RANBP2: variants seen among roughly 807,000 people sequenced by gnomAD.
The protein encoded by RANBP2 is RAN binding protein 2.
In RANBP2, 57 loss-of-function variants were observed where a neutral mutation model predicts 303.6. That is an observed-to-expected ratio of 0.19 (90% confidence interval 0.15 to 0.23). The LOEUF (loss-of-function observed/expected upper bound fraction) is 0.23. RANBP2 is among the 10% of genes least tolerant of loss of function. RANBP2 has a pLI of 1.00. For missense variants in RANBP2, 3,138 were observed against 3,780.8 expected (o/e 0.83, Z 4.46); for synonymous variants, 1,167 against 1,301.5 (o/e 0.90, Z 2.23).
At chr2:109,609,590 T>C in the RANBP2 span, among the ~76,000 whole-genome samples, 2 of 134,008 alleles carry the variant, frequency 1.5e-5, no homozygotes, top group Non-Finnish European at 3.1e-5. Context: ...CACTCTAGCC[T>C]GGGTGACAGA....
chr2:108,788,816 TGTG>T (rs1238241118), downstream of RANBP2: 3 of 1,613,310 alleles, frequency 1.9e-6, no homozygotes, highest in South Asian at 3.3e-5. Flanking sequence ...GATATATTGT[TGTG>T]GTAATCTTTC....
At chr2:109,724,524 G>C in the RANBP2 span, among the ~76,000 whole-genome samples, 1 of 152,136 alleles carries the variant, frequency 6.6e-6, no homozygotes, top group Non-Finnish European at 1.5e-5. Context: ...ATGGAAGGGG[G>C]ACAGGTAGGT....
chr2:109,730,612 T>C, the RANBP2 span, among the ~76,000 whole-genome samples: 2 of 152,120 alleles, frequency 1.3e-5, no homozygotes, highest in Non-Finnish European at 2.9e-5. Flanking sequence ...GGGTGACTCA[T>C]AAATAACATA....
chr2:109,733,180 GAAAAAA>G, the RANBP2 span: 2 of 290,494 alleles, frequency 6.9e-6, no homozygotes, highest in Admixed American at 3.7e-5. Context: ...TAGGTCAAAT[GAAAAAA>G]AAAAAAAAAA....
At chr2:109,513,370 T>G in the RANBP2 span, among the ~76,000 whole-genome samples, 2 of 150,926 alleles carry the variant, frequency 1.3e-5, no homozygotes, top group African/African-American at 4.9e-5. Flanking sequence ...ACCTCCCGTA[T>G]GCACACACTT....
the RANBP2 span, among the ~76,000 whole-genome samples, chr2:109,767,558 A>AAG: frequency 6.8e-6 from 1 of 147,286 alleles, no homozygotes; most frequent in Non-Finnish European, 1.5e-5. Flanking sequence ...ATATCAGAGT[A>AAG]AGAGGACACC....
the RANBP2 span, among the ~76,000 whole-genome samples, chr2:109,353,092 C>T: frequency 2.0e-5 from 3 of 152,252 alleles, no homozygotes; most frequent in Non-Finnish European, 2.9e-5. Flanking sequence ...AGCCTCTGCT[C>T]AGAGTCCTCA....
the RANBP2 span, among the ~76,000 whole-genome samples, chr2:109,484,067 C>CTT: frequency 4.2e-5 from 4 of 94,328 alleles, no homozygotes; most frequent in Non-Finnish European, 6.4e-5. Context: ...TCTGGCCTTT[C>CTT]TTTTTTTTTT....
chr2:109,261,705 G>A, the RANBP2 span, among the ~76,000 whole-genome samples: 1 of 152,160 alleles, frequency 6.6e-6, no homozygotes, highest in African/African-American at 2.4e-5. Flanking sequence ...TGAATTGGGT[G>A]TGTATTTAAA....
the RANBP2 span, among the ~76,000 whole-genome samples, chr2:109,578,583 A>G: frequency 6.6e-6 from 1 of 152,146 alleles, no homozygotes; most frequent in South Asian, 2.1e-4. Context: ...TCTGGCCAAC[A>G]GGGCGAAACC....
chr2:109,013,037 C>T, the RANBP2 span, among the ~76,000 whole-genome samples: 1 of 152,222 alleles, frequency 6.6e-6, no homozygotes, highest in South Asian at 2.1e-4. Flanking sequence ...TCCATGCTCA[C>T]CACAGGTGAG....
chr2:108,765,342 A>T lies in RANBP2; in HGVS notation c.4803A>T (p.Gly1601=), dbSNP rs1169509284. Residue 1601 remains glycine (G), a synonymous_variant, in exon 20 of 29, where the codon GGA becomes GGT. Transcript: ENST00000283195. ...AGGCTCCAAAGAGCGGATTTGAGGG[A>T]ATGTTCACTAAGAAGGAGGGACAGT... ...TSKAPKSGFE[G]MFTKKEGQWD... 2 of 1,612,732 alleles carry T rather than the reference A, an allele frequency of 1.2e-6. No individual in the cohort carries two copies. The highest frequency in any genetic ancestry group is 1.7e-6 in the Non-Finnish European group (2 of 1,179,676).
the RANBP2 span, among the ~76,000 whole-genome samples, chr2:109,321,515 G>A: frequency 6.6e-6 from 1 of 152,198 alleles, no homozygotes; most frequent in Non-Finnish European, 1.5e-5. Context: ...AAATGTTGTG[G>A]TTGATGTTTT....
chr2:109,621,025 T>G, the RANBP2 span, among the ~76,000 whole-genome samples: 168 of 152,344 alleles, frequency 1.1e-3, no homozygotes, highest in African/African-American at 3.5e-3. Context: ...CAGTTCTGTC[T>G]CAAGAAACAC....
the RANBP2 span, among the ~76,000 whole-genome samples, chr2:108,833,015 CT>C: frequency 1.3e-5 from 2 of 152,090 alleles, no homozygotes; most frequent in Admixed American, 1.3e-4. Context: ...AGAAGCCAGC[CT>C]GAAAAGGCTA....
At chr2:108,894,507 T>C in the RANBP2 span, 1 of 152,448 alleles carries the variant, frequency 6.6e-6, no homozygotes, top group Non-Finnish European at 1.5e-5. Context: ...TAAAATATAA[T>C]AAGTTATATA....
the RANBP2 span, among the ~76,000 whole-genome samples, chr2:108,828,787 G>T: frequency 6.6e-6 from 1 of 152,072 alleles, no homozygotes; most frequent in Non-Finnish European, 1.5e-5. Flanking sequence ...GACCAGCCTG[G>T]CCAACATAGT....
the RANBP2 span, among the ~76,000 whole-genome samples, chr2:109,078,265 CGCGTAT>C: frequency 7.5e-5 from 1 of 13,332 alleles, no homozygotes; most frequent in Non-Finnish European, 1.3e-4. Flanking sequence ...ATATATATAG[CGCGTAT>C]ATATATATAT....
At chr2:108,770,956 T>C (rs1201203337) in intron 20 of RANBP2, among the ~76,000 whole-genome samples, 1 of 152,142 alleles carries the variant, frequency 6.6e-6, no homozygotes, top group Non-Finnish European at 1.5e-5. Context: ...CTAGTTGGTA[T>C]ACATGGCATG....
Sources: gnomAD v4.1 joint callset for allele counts (sites outside exome capture counted in the v4.1 genomes callset) on GRCh38, gnomAD v4.1.1 for gene constraint, MANE v1.5 for transcripts, NCBI Gene and HGNC (gene_info 2026-07-23, HGNC 2026-07-21) for gene names.